Variants in B3GLCT observed in about 807,000 individuals in gnomAD.
B3GLCT encodes beta 3-glucosyltransferase, also known as beta-1,3-glucosyltransferase.
In B3GLCT, 65 loss-of-function variants were observed where a neutral mutation model predicts 63.4. The observed-to-expected ratio is 1.03, with a 90% CI of 0.84 to 1.26. The LOEUF is 1.26. Among genes scored for constraint, B3GLCT ranks in the 50% most tolerant of loss-of-function variants. B3GLCT has a pLI of 0.00. For synonymous variants in B3GLCT, 233 were observed against 219.2 expected (o/e 1.06, Z -0.55); for missense variants, 577 against 604.8 (o/e 0.95, Z 0.48).
chr13:31,323,602 T>C (rs1875440543), intron 13 of B3GLCT, 149 bp from the exon 14 acceptor site: 1 of 848,324 alleles, frequency 1.2e-6, no homozygotes, highest in Non-Finnish European at 2.0e-6. Context: ...AGAGAACAGG[T>C]AGGGTTTTAC....
chr13:31,311,873 C>CA (rs1874728962), intron 12 of B3GLCT, among the ~76,000 whole-genome samples: 1 of 152,140 alleles, frequency 6.6e-6, no homozygotes, highest in African/African-American at 2.4e-5. Context: ...GTCAATATTG[C>CA]AAACCATAAT....
At chr13:31,321,669 G>A (rs962130611) in intron 13 of B3GLCT, among the ~76,000 whole-genome samples, 1 of 152,322 alleles carries the variant, frequency 6.6e-6, no homozygotes, top group South Asian at 2.1e-4. Context: ...AGGTAAGGAT[G>A]TTTTGACAGA....
At chr13:31,234,207 A>G (rs534393669) in intron 4 of B3GLCT, among the ~76,000 whole-genome samples, 39 of 152,026 alleles carry the variant, frequency 2.6e-4, no homozygotes, top group African/African-American at 8.9e-4. Flanking sequence ...TTTTTAGTAG[A>G]GACGGGGTTT....
At position 31,274,188 on chromosome 13, in the gene B3GLCT, G is replaced by A. The variant is rs553010503; in HGVS notation, c.661-321G>A. On this transcript the variant is annotated intron_variant, in intron 8 of 14. Coordinates refer to ENST00000343307, the MANE Select transcript of B3GLCT (RefSeq NM_194318.4). Reference sequence around the variant, plus strand: ...ATGTGATTACCATACTAAGGAAACTGGAGCCATAATATTTTCTTACATCTC... The same window carrying A: ...ATGTGATTACCATACTAAGGAAACTAGAGCCATAATATTTTCTTACATCTC... 2.6e-5 allele frequency among the ~76,000 whole-genome samples: 4 copies of A among 152,316 alleles called. No individual in the cohort carries two copies. In the South Asian group the frequency reaches 8.3e-4, roughly 32 times the overall value.
chr13:31,273,112 A>G (rs1333538920), intron 8 of B3GLCT, among the ~76,000 whole-genome samples: 3 of 151,992 alleles, frequency 2.0e-5, no homozygotes, highest in Non-Finnish European at 4.4e-5. Context: ...TTCTTTTGAG[A>G]CAGAGTCTCT....
At chr13:31,219,743 G>A (rs1400089995) in intron 2 of B3GLCT, among the ~76,000 whole-genome samples, 1 of 152,222 alleles carries the variant, frequency 6.6e-6, no homozygotes, top group African/African-American at 2.4e-5. Flanking sequence ...ACGTTTACCT[G>A]ATAAGACAAG....
At chr13:31,224,322 C>T (rs572450762) in intron 3 of B3GLCT, among the ~76,000 whole-genome samples, 1 of 152,256 alleles carries the variant, frequency 6.6e-6, no homozygotes, top group Non-Finnish European at 1.5e-5. Flanking sequence ...GCAGATGAGT[C>T]TCTGGTTATT....
intron 8 of B3GLCT, among the ~76,000 whole-genome samples, chr13:31,270,287 G>A (rs752445781): frequency 1.3e-5 from 2 of 152,200 alleles, no homozygotes; most frequent in Non-Finnish European, 2.9e-5. Flanking sequence ...CAGTCCAGCA[G>A]TGCTGATGGC....
At chr13:31,205,086 A>T (rs1488707413) in intron 1 of B3GLCT, among the ~76,000 whole-genome samples, 1 of 152,128 alleles carries the variant, frequency 6.6e-6, no homozygotes, top group Admixed American at 6.5e-5. Context: ...AAGCTGAGTA[A>T]GTTCAGTTTT....
intron 3 of B3GLCT, among the ~76,000 whole-genome samples, chr13:31,225,149 C>T (rs1190131311): frequency 3.9e-5 from 6 of 152,184 alleles, no homozygotes; most frequent in African/African-American, 1.4e-4. Context: ...TATTGTCAGG[C>T]ACTTAGTGTG....
At chr13:31,320,493 A>C (rs1345814330) in intron 13 of B3GLCT, among the ~76,000 whole-genome samples, 1 of 152,200 alleles carries the variant, frequency 6.6e-6, no homozygotes, top group Non-Finnish European at 1.5e-5. Flanking sequence ...CTAGAAATTC[A>C]TTCATCTAGG....
intron 6 of B3GLCT, among the ~76,000 whole-genome samples, chr13:31,256,057 C>T (rs1175281078): frequency 6.6e-6 from 1 of 152,110 alleles, no homozygotes; most frequent in Admixed American, 6.5e-5. Context: ...TGACAAAGGG[C>T]TAATATCTAG....
intron 14 of B3GLCT, among the ~76,000 whole-genome samples, chr13:31,326,897 C>T (rs947382813): frequency 1.6e-4 from 25 of 152,188 alleles, no homozygotes; most frequent in Admixed American, 1.4e-3. Context: ...CCCTGAGATG[C>T]AGCAAATCAC....
At chr13:31,237,005 A>G (rs1372714157) in intron 4 of B3GLCT, among the ~76,000 whole-genome samples, 1 of 152,028 alleles carries the variant, frequency 6.6e-6, no homozygotes, top group African/African-American at 2.4e-5. Flanking sequence ...CAGCTCCTGT[A>G]ATCCCAGCTA....
At position 31,213,018 on chromosome 13, in the gene B3GLCT, TTGTG is replaced by T. The variant is rs547776947; in HGVS notation, c.71-2018_71-2015del. Among the ~76,000 whole-genome samples, 157 of 140,728 alleles carry T rather than the reference TTGTG, an allele frequency of 1.1e-3. 2 individuals are homozygous for T. The highest frequency in any genetic ancestry group is 3.4e-3 in the African/African-American group (137 of 39,760). 92.3% of individuals were successfully genotyped at this position (140,728 alleles called of 152,430 possible). ...TAGAACTTGAAGAAATGATTGGGCT[TTGTG>T]TGTGTGTGTGTGTGCACGCGTGCGC... On this transcript the variant is annotated intron_variant, in intron 1 of 14. Coordinates refer to ENST00000343307, the MANE Select transcript of B3GLCT (RefSeq NM_194318.4).
At chr13:31,224,521 A>G (rs1473087176) in intron 3 of B3GLCT, among the ~76,000 whole-genome samples, 3 of 152,198 alleles carry the variant, frequency 2.0e-5, no homozygotes, top group Non-Finnish European at 4.4e-5. Context: ...CTGCAAGACC[A>G]GGAGGCTACT....
intron 1 of B3GLCT, among the ~76,000 whole-genome samples, chr13:31,204,247 G>A (rs747925922): frequency 2.0e-5 from 3 of 152,156 alleles, no homozygotes; most frequent in Admixed American, 1.3e-4. Context: ...TTGCTGTCTG[G>A]ATACTTTTTG....
At chr13:31,247,552 C>T (rs1279475330) in intron 5 of B3GLCT, among the ~76,000 whole-genome samples, 9 of 152,154 alleles carry the variant, frequency 5.9e-5, no homozygotes, top group Non-Finnish European at 1.2e-4. Context: ...GGATAACAGG[C>T]GTGAGCCACC....
intron 3 of B3GLCT, among the ~76,000 whole-genome samples, chr13:31,228,408 T>C (rs1870209727): frequency 6.6e-6 from 1 of 152,206 alleles, no homozygotes; most frequent in African/African-American, 2.4e-5. Context: ...CATAACAAAG[T>C]ACCACAAAAC....
Sources: allele counts gnomAD v4.1 joint callset (sites outside exome capture counted in the v4.1 genomes callset), GRCh38; gene constraint gnomAD v4.1.1; transcripts MANE v1.5; gene names NCBI Gene and HGNC (gene_info 2026-07-23, HGNC 2026-07-21).